The following TUSC3 variants were observed in gnomAD, a reference collection of about 807,000 sequenced individuals.
TUSC3 encodes tumor suppressor candidate 3, also known as dolichyl-diphosphooligosaccharide--protein glycosyltransferase subunit TUSC3.
TUSC3 carries 45 observed loss-of-function variants against 44.8 expected under a neutral mutation model. The ratio of observed to expected loss-of-function variants is 1.00; its 90% confidence interval spans 0.79 to 1.29. TUSC3 has a LOEUF of 1.29. Ranked by LOEUF, TUSC3 falls within the 50% of genes most tolerant of loss-of-function variation. TUSC3 has a pLI of 0.00. For missense variants in TUSC3, 519 were observed against 437.9 expected (o/e 1.19, Z -1.65); for synonymous variants, 212 against 152.9 (o/e 1.39, Z -2.85).
At position 15,729,903 on chromosome 8, in the gene TUSC3, A is replaced by G. The variant is rs1585275856; in HGVS notation, c.799-763A>G. 2.0e-5 allele frequency among the ~76,000 whole-genome samples: 3 copies of G among 152,274 alleles called. No individual in the cohort carries two copies. The East Asian group carries it at 5.8e-4, about 29-fold the overall frequency. On this transcript the variant is annotated intron_variant, in intron 6 of 10. Coordinates refer to ENST00000503731, the MANE Select transcript of TUSC3 (RefSeq NM_006765.4). ...AAGATACCTTCAGAAAACTATCTGA[A>G]GCATGTGATACAATTATACATCATA...
intron 1 of TUSC3, among the ~76,000 whole-genome samples, chr8:15,470,989 T>C (rs1433428529): frequency 6.6e-6 from 1 of 151,732 alleles, no homozygotes; most frequent in Admixed American, 6.6e-5. Flanking sequence ...GAATAAAAAT[T>C]ATGGTCAAAA....
At position 15,728,259 on chromosome 8, in the gene TUSC3, G is replaced by C. The variant is rs998365854; in HGVS notation, c.799-2407G>C. ...TGAATGACAGATCAACTCTAGGGTAGAGTCAGGGAGAATAAAGGAGGCTAT... is the reference window on the plus strand; with the variant it reads ...TGAATGACAGATCAACTCTAGGGTACAGTCAGGGAGAATAAAGGAGGCTAT... On this transcript the variant is annotated intron_variant, in intron 6 of 10. Coordinates refer to ENST00000503731, the MANE Select transcript of TUSC3 (RefSeq NM_006765.4). 2.0e-5 allele frequency among the ~76,000 whole-genome samples: 3 copies of C among 152,172 alleles called. No individual in the cohort carries two copies. In the East Asian group the frequency reaches 5.8e-4, roughly 29 times the overall value.
chr8:15,445,711 ACTT>A (rs1800087172), intron 1 of TUSC3, among the ~76,000 whole-genome samples: 1 of 152,212 alleles, frequency 6.6e-6, no homozygotes, highest in South Asian at 2.1e-4. Flanking sequence ...TCCTATGTCT[ACTT>A]CTTTCTACAC....
the TUSC3 span, among the ~76,000 whole-genome samples, chr8:15,794,927 T>A: frequency 6.6e-6 from 1 of 152,170 alleles, no homozygotes; most frequent in Non-Finnish European, 1.5e-5. Flanking sequence ...TGGATAAATG[T>A]GAGAATCCTG....
chr8:15,835,749 C>G, the TUSC3 span, among the ~76,000 whole-genome samples: 2 of 152,072 alleles, frequency 1.3e-5, no homozygotes, highest in East Asian at 3.9e-4. Flanking sequence ...TGTATGTGTG[C>G]GTTGTGGGGT....
At chr8:15,569,724 T>A (rs1233727290) in intron 1 of TUSC3, among the ~76,000 whole-genome samples, 1 of 152,126 alleles carries the variant, frequency 6.6e-6, no homozygotes, top group Non-Finnish European at 1.5e-5. Flanking sequence ...GGATACATAG[T>A]GTTTGATGCA....
At chr8:15,537,006 T>A (rs1191851350), upstream of TUSC3, among the ~76,000 whole-genome samples, 1 of 152,176 alleles carries the variant, frequency 6.6e-6, no homozygotes, top group Non-Finnish European at 1.5e-5. Flanking sequence ...AAGTCTCTTG[T>A]GGGAAAAATC....
At chr8:15,638,141 T>C (rs937137262) in intron 2 of TUSC3, among the ~76,000 whole-genome samples, 2 of 152,180 alleles carry the variant, frequency 1.3e-5, no homozygotes, top group Non-Finnish European at 2.9e-5. Context: ...AGATTCTGTC[T>C]TTCTTGGGGT....
chr8:15,467,200 G>A (rs1418265884), intron 1 of TUSC3, among the ~76,000 whole-genome samples: 1 of 150,448 alleles, frequency 6.6e-6, no homozygotes, highest in Non-Finnish European at 1.5e-5. Flanking sequence ...CAACAAGTAC[G>A]TGCACTACGG....
intron 1 of TUSC3, among the ~76,000 whole-genome samples, chr8:15,462,304 A>G (rs1800356575): frequency 6.6e-6 from 1 of 152,122 alleles, no homozygotes; most frequent in South Asian, 2.1e-4. Context: ...AACAACTATT[A>G]CAACTCAATA....
chr8:15,759,100 A>C (rs1216624864), intron 10 of TUSC3, among the ~76,000 whole-genome samples: 1 of 152,188 alleles, frequency 6.6e-6, no homozygotes, highest in Middle Eastern at 3.2e-3. Context: ...AGAGATTAAA[A>C]AGAATGACTC....
chr8:15,542,886 A>G (rs1801736422), intron 1 of TUSC3, among the ~76,000 whole-genome samples: 1 of 152,216 alleles, frequency 6.6e-6, no homozygotes, highest in Non-Finnish European at 1.5e-5. Flanking sequence ...AAGAGCTTAA[A>G]TAGTTGATGT....
intron 2 of TUSC3, among the ~76,000 whole-genome samples, chr8:15,535,195 T>C (rs1181559039): frequency 6.6e-6 from 1 of 152,246 alleles, no homozygotes; most frequent in Non-Finnish European, 1.5e-5. Context: ...GGAAATTAAT[T>C]CTTGTAAAAC....
chr8:15,590,634 A>T (rs139563449), intron 1 of TUSC3, among the ~76,000 whole-genome samples: 1 of 151,392 alleles, frequency 6.6e-6, no homozygotes, highest in Non-Finnish European at 1.5e-5. Context: ...ATAAATATTT[A>T]TTTTTATTTA....
chr8:15,647,291 C>T (rs1806675611), intron 2 of TUSC3, among the ~76,000 whole-genome samples: 1 of 152,080 alleles, frequency 6.6e-6, no homozygotes, highest in South Asian at 2.1e-4. Context: ...CCCTGACCCG[C>T]TCAAAAGAAT....
In TUSC3 at chr8:15,766,256, C is replaced by T. The variant is rs77246198; in HGVS notation, c.*2100C>T. 2 of 152,012 alleles carry T rather than the reference C, an allele frequency of 1.3e-5. No individual in the cohort carries two copies. The highest frequency in any genetic ancestry group is 4.8e-5 in the African/African-American group (2 of 41,408). The allele number at this position is 152,012 out of a possible 1,614,324, so 9.4% of individuals were successfully genotyped here. On this transcript the variant is annotated 3_prime_UTR_variant, in exon 11 of 11. Transcript: ENST00000503731. Reference sequence around the variant, plus strand: ...TCTAGAGCAAAATATACTGCCTCAACATAAGTCGTTACTGACTGGAAAATG... The same window carrying T: ...TCTAGAGCAAAATATACTGCCTCAATATAAGTCGTTACTGACTGGAAAATG...
intron 1 of TUSC3, among the ~76,000 whole-genome samples, chr8:15,471,138 A>G (rs1437689342): frequency 6.6e-6 from 1 of 151,044 alleles, no homozygotes; most frequent in Non-Finnish European, 1.5e-5. Flanking sequence ...TCTTTGATTT[A>G]ATTCCCCAGC....
chr8:15,490,235 G>A (rs575410417), intron 2 of TUSC3, among the ~76,000 whole-genome samples: 4 of 152,284 alleles, frequency 2.6e-5, no homozygotes, highest in African/African-American at 9.6e-5. Context: ...CTAGACAGGA[G>A]AAACAAAGAG....
At chr8:15,683,518 T>A (rs923820279) in intron 6 of TUSC3, among the ~76,000 whole-genome samples, 1 of 152,134 alleles carries the variant, frequency 6.6e-6, no homozygotes, top group Non-Finnish European at 1.5e-5. Context: ...TCTTACTATA[T>A]CTTTGTTGTA....
Sources: allele counts gnomAD v4.1 joint callset (sites outside exome capture counted in the v4.1 genomes callset), GRCh38; gene constraint gnomAD v4.1.1; transcripts MANE v1.5; gene names NCBI Gene and HGNC (gene_info 2026-07-23, HGNC 2026-07-21).